The following RNF220 variants were observed in gnomAD, a reference collection of about 807,000 sequenced individuals.
RNF220 encodes ring finger protein 220.
Under a neutral mutation model 67.1 loss-of-function variants are expected in RNF220, and 7 were observed. That is an observed-to-expected ratio of 0.10 (90% CI 0.06 to 0.20). The LOEUF is 0.20. RNF220 is among the 10% of genes least tolerant of loss of function. The pLI, the probability that RNF220 is intolerant of heterozygous loss-of-function variation, is 1.00. For synonymous variants in RNF220, 270 were observed against 283.2 expected (o/e 0.95, Z 0.47); for missense variants, 565 against 740.3 (o/e 0.76, Z 2.75).
intron 2 of RNF220, among the ~76,000 whole-genome samples, chr1:44,558,123 T>C (rs1663264894): frequency 6.6e-6 from 1 of 152,254 alleles, no homozygotes; most frequent in Non-Finnish European, 1.5e-5. Context: ...GAACCGTGGC[T>C]GACCATGCAG....
At chr1:44,477,374 A>G (rs779205585) in intron 2 of RNF220, among the ~76,000 whole-genome samples, 1 of 152,220 alleles carries the variant, frequency 6.6e-6, no homozygotes. Flanking sequence ...AACTATCTAG[A>G]ATAATAGGGT....
chr1:44,558,710 C>T (rs1001481546), intron 2 of RNF220, among the ~76,000 whole-genome samples: 1 of 152,196 alleles, frequency 6.6e-6, no homozygotes, highest in African/African-American at 2.4e-5. Context: ...AGAATTCAGA[C>T]CTAGGTGTGT....
intron 2 of RNF220, among the ~76,000 whole-genome samples, chr1:44,442,814 G>A (rs1437119295): frequency 6.6e-6 from 1 of 152,016 alleles, no homozygotes; most frequent in Non-Finnish European, 1.5e-5. Context: ...ACCATGCCTG[G>A]CCTACCCCTC....
chr1:44,495,892 TAACCACTCAGC>T (rs538243482), intron 2 of RNF220, among the ~76,000 whole-genome samples: 4 of 152,346 alleles, frequency 2.6e-5, no homozygotes, highest in African/African-American at 9.6e-5. Context: ...AGCACCTTAG[TAACCACTCAGC>T]ATATGCTTAC....
Position 44,649,195 on chromosome 1 carries a change from G to A in RNF220, c.1446-466G>A. 5.3e-6 allele frequency: 1 copy of A among 188,588 alleles called. No individual in the cohort carries two copies. Among genetic ancestry groups the A allele is most frequent in the Non-Finnish European group, 1.1e-5 (1 of 89,488 alleles). The allele number at this position is 188,588 out of a possible 1,614,324, so 11.7% of individuals were successfully genotyped here. ...CAAGGGGGACATTGGAATGTTGGAA[G>A]TCACACCACGAGAGATTTGCTTTGA... On this transcript the variant is annotated intron_variant, in intron 12 of 14. Coordinates refer to ENST00000361799, the MANE Select transcript of RNF220 (RefSeq NM_018150.4). This position sits in a 1 kb window ranked among gnomAD's most constrained non-coding sequence, Gnocchi z 5.9.
chr1:44,620,767 G>A (rs1643756638), intron 3 of RNF220, among the ~76,000 whole-genome samples: 1 of 152,154 alleles, frequency 6.6e-6, no homozygotes, highest in Non-Finnish European at 1.5e-5. Context: ...CATATGTTAT[G>A]TGTGTTGTGC....
At chr1:44,437,336 A>G (rs542945785) in intron 2 of RNF220, among the ~76,000 whole-genome samples, 1 of 152,254 alleles carries the variant, frequency 6.6e-6, no homozygotes, top group East Asian at 1.9e-4. Flanking sequence ...GATTGAGGCC[A>G]CTCTCCTGTT....
chr1:44,550,533 G>A (rs929288128), intron 2 of RNF220, among the ~76,000 whole-genome samples: 4 of 152,178 alleles, frequency 2.6e-5, no homozygotes, highest in Admixed American at 6.5e-5. Context: ...TGGGCTGATA[G>A]GAGGAATAAG....
At chr1:44,532,018 T>C (rs1376677553) in intron 2 of RNF220, among the ~76,000 whole-genome samples, 1 of 152,194 alleles carries the variant, frequency 6.6e-6, no homozygotes, top group Non-Finnish European at 1.5e-5. Context: ...CCTTCTACTG[T>C]ACTGCTTTAT....
intron 2 of RNF220, among the ~76,000 whole-genome samples, chr1:44,529,999 A>G (rs1308940049): frequency 6.6e-6 from 1 of 152,068 alleles, no homozygotes; most frequent in African/African-American, 2.4e-5. Flanking sequence ...GGTTGCAGTA[A>G]GCCAAGATCG....
At chr1:44,542,906 G>A (rs911400764) in intron 2 of RNF220, among the ~76,000 whole-genome samples, 17 of 152,042 alleles carry the variant, frequency 1.1e-4, no homozygotes, top group African/African-American at 4.1e-4. Context: ...GAGGGTCTGC[G>A]CCTCCCCTCC....
At position 44,645,232 on chromosome 1, in the gene RNF220, C is replaced by T; in HGVS notation, c.1322C>T (p.Pro441Leu). 6.2e-7 allele frequency: 1 copy of T among 1,614,102 alleles called. No homozygotes were observed. Among genetic ancestry groups the T allele is most frequent in the East Asian group, 2.2e-5 (1 of 44,860 alleles). ...CTCCTTTCCTCCAGTGGCGGCCCTCCCAGCACGCGCATCACACCTGAGTTC... is the reference window on the plus strand; with the variant it reads ...CTCCTTTCCTCCAGTGGCGGCCCTCTCAGCACGCGCATCACACCTGAGTTC... ...LRGAVLNGGP[P>L]STRITPEFSK... Residue 441 changes from proline to leucine, a missense_variant, in exon 11 of 15, where the codon CCC becomes CTC. Pro to Leu is a moderately conservative substitution (Grantham distance 98, BLOSUM62 -3). Coordinates refer to ENST00000361799, the MANE Select transcript of RNF220 (RefSeq NM_018150.4). The surrounding 1 kb of genome is among the most constrained non-coding windows in gnomAD (Gnocchi z 5.0).
intron 7 of RNF220, 25 bp from the exon 8 acceptor site, chr1:44,636,005 C>T: frequency 1.9e-6 from 3 of 1,614,144 alleles, no homozygotes; most frequent in Non-Finnish European, 2.5e-6. Flanking sequence ...CTGGGCCCAG[C>T]ATGATCCTGC....
At chr1:44,465,664 A>G (rs955344743) in intron 2 of RNF220, among the ~76,000 whole-genome samples, 1 of 152,210 alleles carries the variant, frequency 6.6e-6, no homozygotes, top group Non-Finnish European at 1.5e-5. Flanking sequence ...ATTCAGTTCC[A>G]GGCCACCACA....
intron 2 of RNF220, among the ~76,000 whole-genome samples, chr1:44,483,395 C>G (rs72895524): frequency 0.022 from 3,376 of 152,264 alleles, 150 homozygotes; most frequent in African/African-American, 0.078. Flanking sequence ...TGTCCAGGCT[C>G]ACAGCACTAT....
intron 2 of RNF220, among the ~76,000 whole-genome samples, chr1:44,535,053 C>T (rs1305246725): frequency 1.3e-5 from 2 of 149,134 alleles, no homozygotes; most frequent in Non-Finnish European, 3.0e-5. Flanking sequence ...CTGGCTTCAT[C>T]GGGGGTAGGG....
intron 2 of RNF220, among the ~76,000 whole-genome samples, chr1:44,544,086 T>C (rs1240196332): frequency 6.6e-6 from 1 of 152,034 alleles, no homozygotes; most frequent in African/African-American, 2.4e-5. Context: ...TTCCTCCTCA[T>C]CCCCAGGGAA....
intron 3 of RNF220, among the ~76,000 whole-genome samples, chr1:44,620,276 G>A (rs139855499): frequency 2.8e-4 from 43 of 152,366 alleles, no homozygotes; most frequent in African/African-American, 9.4e-4. Context: ...ATTTTGTGAA[G>A]TTTCAATGAG....
rs532494814 is a variant in RNF220 at position 44,627,595 on chromosome 1, C to A, written c.906+1197C>A. 2.0e-5 allele frequency among the ~76,000 whole-genome samples: 3 copies of A among 152,246 alleles called. No individual in the cohort carries two copies. The South Asian group carries it at 6.2e-4, about 32-fold the overall frequency. On this transcript the variant is annotated intron_variant, in intron 5 of 14. Coordinates refer to ENST00000361799, the MANE Select transcript of RNF220 (RefSeq NM_018150.4). ...AAAGAACTTCCCCCAAAACTTTTGT[C>A]TAAGGAGAGGCAGAGCCCTGTCTTT...
Sources: gnomAD v4.1 joint callset for allele counts (sites outside exome capture counted in the v4.1 genomes callset) on GRCh38, gnomAD v4.1.1 for gene constraint, Gnocchi (gnomAD v3.1) non-coding constraint, MANE v1.5 for transcripts, NCBI Gene and HGNC (gene_info 2026-07-23, HGNC 2026-07-21) for gene names.